PTGIS: variants seen among roughly 807,000 people sequenced by gnomAD.
PTGIS encodes the protein prostaglandin I2 synthase.
A neutral mutation model predicts 50.3 loss-of-function variants in PTGIS; 45 were observed. The ratio of observed to expected loss-of-function variants is 0.90; its 90% confidence interval spans 0.70 to 1.15. The LOEUF (loss-of-function observed/expected upper bound fraction) is 1.15. Ranked by LOEUF, PTGIS falls within the 50% of genes most tolerant of loss-of-function variation. The probability of loss-of-function intolerance (pLI) is 0.00; values close to 1 mark genes in which losing one functional copy is unlikely to be tolerated. For missense variants in PTGIS, 668 were observed against 661.3 expected (o/e 1.01, Z -0.11); for synonymous variants, 260 against 267.7 (o/e 0.97, Z 0.28).
chr20:49,530,656 A>G (rs530041191), intron 5 of PTGIS, among the ~76,000 whole-genome samples: 3 of 152,248 alleles, frequency 2.0e-5, no homozygotes, highest in Non-Finnish European at 2.9e-5. Flanking sequence ...CATTTCCCCA[A>G]TGAGTAGTGA....
intron 9 of PTGIS, among the ~76,000 whole-genome samples, chr20:49,509,900 TTTTC>T (rs1456457304): frequency 3.1e-5 from 4 of 129,570 alleles, no homozygotes; most frequent in African/African-American, 6.0e-5. Flanking sequence ...TTTTTTTTTT[TTTTC>T]TGGAGACAGA....
At chr20:49,564,849 C>T (rs1447219047) in intron 1 of PTGIS, among the ~76,000 whole-genome samples, 2 of 152,114 alleles carry the variant, frequency 1.3e-5, no homozygotes, top group African/African-American at 4.8e-5. Context: ...ATGGAAATTA[C>T]CTCAAGGCTT....
At chr20:49,557,145 T>G (rs903842364) in intron 1 of PTGIS, among the ~76,000 whole-genome samples, 5 of 152,214 alleles carry the variant, frequency 3.3e-5, no homozygotes, top group African/African-American at 1.2e-4. Flanking sequence ...TTGTGTGATG[T>G]GAGACTTCAC....
At chr20:49,536,537 G>T (rs1272835059) in intron 5 of PTGIS, among the ~76,000 whole-genome samples, 1 of 136,656 alleles carries the variant, frequency 7.3e-6, no homozygotes, top group Non-Finnish European at 1.5e-5. Context: ...CTGGAGTGCA[G>T]TGGCACAATC....
intron 4 of PTGIS, among the ~76,000 whole-genome samples, chr20:49,543,477 C>T (rs1982280662): frequency 6.6e-6 from 1 of 152,208 alleles, no homozygotes; most frequent in Non-Finnish European, 1.5e-5. Flanking sequence ...CAAAGCCTTC[C>T]CTGACCTCCC....
At chr20:49,534,841 C>CA (rs1340255263) in intron 5 of PTGIS, among the ~76,000 whole-genome samples, 3 of 151,906 alleles carry the variant, frequency 2.0e-5, no homozygotes, top group Admixed American at 6.6e-5. Flanking sequence ...TACTGAAACA[C>CA]AAAAAAATAC....
chr20:49,556,073 C>T (rs562774080), intron 1 of PTGIS, among the ~76,000 whole-genome samples: 84 of 152,268 alleles, frequency 5.5e-4, no homozygotes, highest in Non-Finnish European at 1.1e-3. Context: ...GTCAAGAAAA[C>T]TTTCTCTTCT....
chr20:49,534,896 C>T (rs1294692375), intron 5 of PTGIS, among the ~76,000 whole-genome samples: 2 of 152,138 alleles, frequency 1.3e-5, no homozygotes, highest in East Asian at 1.9e-4. Context: ...GTCCCAGCTA[C>T]TTGGGAGGCT....
intron 3 of PTGIS, among the ~76,000 whole-genome samples, chr20:49,547,638 A>AAACAAAC (rs540160840): frequency 2.8e-4 from 39 of 140,624 alleles, no homozygotes; most frequent in African/African-American, 3.4e-4. Flanking sequence ...AACAAACAAA[A>AAACAAAC]AAACCCGCCA....
At chr20:49,546,361 C>G (rs1217205721) in intron 3 of PTGIS, among the ~76,000 whole-genome samples, 2 of 152,218 alleles carry the variant, frequency 1.3e-5, no homozygotes, top group Non-Finnish European at 2.9e-5. Context: ...GGACCCAGGA[C>G]ACTCAGGCTC....
At position 49,551,202 on chromosome 20, in the gene PTGIS, G is replaced by A. The variant is rs117760991; in HGVS notation, c.75-1013C>T. 1.6e-3 allele frequency among the ~76,000 whole-genome samples: 239 copies of A among 152,194 alleles called. 1 individual carries two copies. In the East Asian group the frequency reaches 0.019, roughly 12 times the overall value. Reference sequence around the variant, plus strand: ...AGCCAGGGCGACAAAGCAAGACTCCGTCTCAAAAAAAATAAAATAAAATTT... The same window carrying A: ...AGCCAGGGCGACAAAGCAAGACTCCATCTCAAAAAAAATAAAATAAAATTT... On this transcript the variant is annotated intron_variant, in intron 1 of 9. Coordinates refer to ENST00000244043, the MANE Select transcript of PTGIS (RefSeq NM_000961.4).
Position 49,507,003 on chromosome 20 carries a change from A to G in PTGIS, c.*917T>C, listed in dbSNP as rs1981169749. 6.6e-6 allele frequency: 1 copy of G among 152,240 alleles called. No homozygotes were observed. The highest frequency in any genetic ancestry group is 2.4e-5 in the African/African-American group (1 of 41,456). 9.4% of individuals were successfully genotyped at this position (152,240 alleles called of 1,614,324 possible). On this transcript the variant is annotated 3_prime_UTR_variant, in exon 10 of 10. Transcript: ENST00000244043. Reference sequence around the variant, plus strand: ...ACATTTTGAATGAACTCTCCCAAAGATGATAACAACTAAGGCATTTTTTTA... The same window carrying G: ...ACATTTTGAATGAACTCTCCCAAAGGTGATAACAACTAAGGCATTTTTTTA...
Position 49,518,459 on chromosome 20 carries a change from A to G in PTGIS, c.856-4064T>C, listed in dbSNP as rs192765869. On this transcript the variant is annotated intron_variant, in intron 6 of 9. Coordinates refer to ENST00000244043, the MANE Select transcript of PTGIS (RefSeq NM_000961.4). ...CCTGGAAGAGAAAAAGAATATTAGT[A>G]GAAAAACTGGGGCAATGTGAATAAA... Among the ~76,000 whole-genome samples the G allele has an allele frequency of 1.3e-3, 202 of 152,342 alleles. 1 individual carries two copies. The Middle Eastern group carries it at 0.044, about 33-fold the overall frequency.
rs1028784885 is a variant in PTGIS, at chr20:49,506,356, C to CT, written c.*1563dup. On this transcript the variant is annotated 3_prime_UTR_variant, in exon 10 of 10. Transcript: ENST00000244043. Reference sequence around the variant, plus strand: ...AAAAAGGTTTGCAGGCCATTTTTCTCTTTAAGCTGTTTTTTATTTTAATTA... The same window carrying CT: ...AAAAAGGTTTGCAGGCCATTTTTCTCTTTTAAGCTGTTTTTTATTTTAATTA... 3 of 152,094 alleles carry CT rather than the reference C, an allele frequency of 2.0e-5. No homozygotes were observed. Among genetic ancestry groups the CT allele is most frequent in the African/African-American group, 7.2e-5 (3 of 41,424 alleles). The allele number at this position is 152,094 out of a possible 1,614,324, so 9.4% of individuals were successfully genotyped here.
rs527619331 is a variant in PTGIS, at chr20:49,540,705, C to T, written c.522-984G>A. On this transcript the variant is annotated intron_variant, in intron 4 of 9. Coordinates refer to ENST00000244043, the MANE Select transcript of PTGIS (RefSeq NM_000961.4). The surrounding 1 kb of genome is among the most constrained non-coding windows in gnomAD (Gnocchi z 4.8). Reference sequence around the variant, plus strand: ...CACACACAGGACCACGCTCAGAGGACGCGCCTTCACCTCCAGCCCCCTTTA... The same window carrying T: ...CACACACAGGACCACGCTCAGAGGATGCGCCTTCACCTCCAGCCCCCTTTA... Among the ~76,000 whole-genome samples, 3 of 152,286 alleles carry T rather than the reference C, an allele frequency of 2.0e-5. No individual in the cohort carries two copies. Among genetic ancestry groups the T allele is most frequent in the Admixed American group, 6.5e-5 (1 of 15,298 alleles).
Position 49,511,184 on chromosome 20 carries a change from A to T in PTGIS, c.1207-5T>A, listed in dbSNP as rs1489470676. 6.2e-7 allele frequency: 1 copy of T among 1,614,028 alleles called. No homozygotes were observed. Among genetic ancestry groups the T allele is most frequent in the African/African-American group, 1.3e-5 (1 of 74,948 alleles). Reference sequence around the variant, plus strand: ...GAATCGGTTGTATTTAAATACCTGAAATAGGAAGAAGGTCCTTTTCTGACC... The same window carrying T: ...GAATCGGTTGTATTTAAATACCTGATATAGGAAGAAGGTCCTTTTCTGACC... On this transcript the variant is annotated splice_region_variant and splice_polypyrimidine_tract_variant and intron_variant, in intron 8 of 9. Coordinates refer to ENST00000244043, the MANE Select transcript of PTGIS (RefSeq NM_000961.4).
At chr20:49,521,503 C>G (rs2064942131) in intron 6 of PTGIS, among the ~76,000 whole-genome samples, 1 of 152,180 alleles carries the variant, frequency 6.6e-6, no homozygotes, top group Non-Finnish European at 1.5e-5. Context: ...CCACTCAAAC[C>G]CCTCAGCCAG....
Position 49,517,453 on chromosome 20 carries a change from A to AGT in PTGIS, c.856-3060_856-3059dup, listed in dbSNP as rs34021649. On this transcript the variant is annotated intron_variant, in intron 6 of 9. Transcript: ENST00000244043. ...ACCCAACTGCACAGATGTGAGTGTG[A>AGT]GTGTGTGTGTGTGTGTGTGTGTGTG... Among the ~76,000 whole-genome samples, 1,024 of 149,244 alleles carry AGT rather than the reference A, an allele frequency of 6.9e-3. 8 individuals carry two copies. The highest frequency in any genetic ancestry group is 9.7e-3 in the South Asian group (45 of 4,658).
chr20:49,507,898 G>A lies in PTGIS; in HGVS notation c.*22C>T, dbSNP rs377591847. 1.8e-5 allele frequency: 29 copies of A among 1,608,780 alleles called. No homozygotes were observed. The African/African-American group carries it at 2.7e-4, about 15-fold the overall frequency. On this transcript the variant is annotated 3_prime_UTR_variant, in exon 10 of 10. Transcript: ENST00000244043. Reference sequence around the variant, plus strand: ...GGGCAGGCTGGGCAGAGGCGAGCACGTGGATCCATCTGCTCCCTGTGTCAT... The same window carrying A: ...GGGCAGGCTGGGCAGAGGCGAGCACATGGATCCATCTGCTCCCTGTGTCAT...
Sources: allele counts gnomAD v4.1 joint callset (sites outside exome capture counted in the v4.1 genomes callset), GRCh38; gene constraint gnomAD v4.1.1; non-coding constraint Gnocchi (gnomAD v3.1); transcripts MANE v1.5; gene names NCBI Gene and HGNC (gene_info 2026-07-23, HGNC 2026-07-21).